The following SLC35F4 variants were observed in gnomAD, a reference collection of about 807,000 sequenced individuals.
SLC35F4 encodes the protein chromosome 14 open reading frame 36.
SLC35F4 carries 24 observed loss-of-function variants against 44.2 expected under a neutral mutation model. The observed-to-expected ratio is 0.54, with a 90% CI of 0.39 to 0.76. SLC35F4 has a LOEUF of 0.76. Ranked by LOEUF, SLC35F4 falls within the 30% of genes least tolerant of loss-of-function variation. The probability of loss-of-function intolerance (pLI) is 0.00; values close to 1 mark genes in which losing one functional copy is unlikely to be tolerated. For missense variants in SLC35F4, 562 were observed against 586.1 expected (o/e 0.96, Z 0.42); for synonymous variants, 238 against 223.6 (o/e 1.06, Z -0.57).
At chr14:57,868,854 A>T (rs1191619335), upstream of SLC35F4, among the ~76,000 whole-genome samples, 1 of 152,192 alleles carries the variant, frequency 6.6e-6, no homozygotes, top group Non-Finnish European at 1.5e-5. Flanking sequence ...ACAAACTATG[A>T]GTTGCAATGT....
chr14:57,784,587 G>C (rs1254300262), intron 1 of SLC35F4, among the ~76,000 whole-genome samples: 1 of 152,150 alleles, frequency 6.6e-6, no homozygotes, highest in African/African-American at 2.4e-5. Flanking sequence ...TGTGCTGGGA[G>C]AATCTCTTGC....
intron 1 of SLC35F4, among the ~76,000 whole-genome samples, chr14:57,944,695 AAAAGAAAG>A (rs141697627): frequency 0.09 from 10,404 of 115,830 alleles, 441 homozygotes; most frequent in African/African-American, 0.11. Flanking sequence ...AGAAAGAAAG[AAAAGAAAG>A]AAAGAAAGAA....
intron 1 of SLC35F4, among the ~76,000 whole-genome samples, chr14:57,951,778 G>T (rs538428289): frequency 2.0e-5 from 3 of 152,314 alleles, no homozygotes; most frequent in African/African-American, 7.2e-5. Context: ...AAAGGCAGCA[G>T]CCCCACTCAG....
intron 1 of SLC35F4, among the ~76,000 whole-genome samples, chr14:57,599,802 GAA>G (rs34667001): frequency 0.011 from 1,428 of 126,282 alleles, 22 homozygotes; most frequent in African/African-American, 0.039. Context: ...ACTCTGTCTT[GAA>G]AAAAAAAAAA....
chr14:57,609,359 A>T (rs562845233), intron 1 of SLC35F4, among the ~76,000 whole-genome samples: 16 of 152,330 alleles, frequency 1.1e-4, no homozygotes, highest in Admixed American at 9.8e-4. Context: ...GAGTTCAGGG[A>T]AACTGGTTTG....
chr14:57,802,718 A>G lies in SLC35F4; in HGVS notation c.103+63005T>C, dbSNP rs148043225. 4.2e-3 allele frequency among the ~76,000 whole-genome samples: 643 copies of G among 152,258 alleles called. 6 individuals carry two copies. Among genetic ancestry groups the G allele is most frequent in the African/African-American group, 0.014 (591 of 41,550 alleles). On this transcript the variant is annotated intron_variant, in intron 1 of 7. Coordinates refer to ENST00000556826, the MANE Select transcript of SLC35F4 (RefSeq NM_001306087.2). ...GCACATAAACTAGAAAATCCAAAAG[A>G]AATAGGTAAATTCCTGGACACAGAC...
intron 1 of SLC35F4, among the ~76,000 whole-genome samples, chr14:57,889,017 C>A (rs1888706916): frequency 6.6e-6 from 1 of 152,178 alleles, no homozygotes; most frequent in African/African-American, 2.4e-5. Flanking sequence ...ACAAGACAGA[C>A]AAGTTACCTG....
chr14:57,739,668 G>A (rs1013452882), intron 1 of SLC35F4, among the ~76,000 whole-genome samples: 1 of 152,180 alleles, frequency 6.6e-6, no homozygotes, highest in Non-Finnish European at 1.5e-5. Flanking sequence ...GATTTAGGAG[G>A]AGACAGTGTG....
chr14:57,846,582 C>G (rs191860397), intron 1 of SLC35F4, among the ~76,000 whole-genome samples: 9 of 152,256 alleles, frequency 5.9e-5, no homozygotes, highest in African/African-American at 2.2e-4. Context: ...GTGAATTTTT[C>G]CCTGAAATTC....
chr14:57,944,922 A>G (rs145018784), intron 1 of SLC35F4, among the ~76,000 whole-genome samples: 2 of 152,322 alleles, frequency 1.3e-5, no homozygotes, highest in East Asian at 3.9e-4. Context: ...AACCTTACAC[A>G]CACAAAAAAT....
chr14:57,834,289 C>T (rs1884681997), intron 1 of SLC35F4, among the ~76,000 whole-genome samples: 1 of 152,194 alleles, frequency 6.6e-6, no homozygotes, highest in African/African-American at 2.4e-5. Flanking sequence ...TTTTGCACTT[C>T]ACTGAATAAC....
chr14:57,587,770 A>G (rs1051151334), intron 3 of SLC35F4, among the ~76,000 whole-genome samples: 1 of 152,174 alleles, frequency 6.6e-6, no homozygotes, highest in East Asian at 1.9e-4. Context: ...TTAAAGTACA[A>G]TAAAAACAGA....
chr14:57,601,714 G>A (rs573420926), intron 1 of SLC35F4, among the ~76,000 whole-genome samples: 1 of 152,092 alleles, frequency 6.6e-6, no homozygotes, highest in South Asian at 2.1e-4. Context: ...TTCTCTACTT[G>A]TAATCAACTT....
chr14:57,843,999 G>A (rs554350735), intron 1 of SLC35F4, among the ~76,000 whole-genome samples: 7 of 152,126 alleles, frequency 4.6e-5, no homozygotes, highest in African/African-American at 1.7e-4. Context: ...TATCAGCCTC[G>A]TGACCAATCT....
At chr14:57,701,214 G>T (rs1040838008) in intron 1 of SLC35F4, among the ~76,000 whole-genome samples, 1 of 151,918 alleles carries the variant, frequency 6.6e-6, no homozygotes, top group Non-Finnish European at 1.5e-5. Context: ...ACCTACACAG[G>T]GTCAAAATCA....
intron 1 of SLC35F4, among the ~76,000 whole-genome samples, chr14:57,753,413 G>A (rs1281180532): frequency 6.6e-6 from 1 of 152,114 alleles, no homozygotes; most frequent in Non-Finnish European, 1.5e-5. Flanking sequence ...CCTTTACAGG[G>A]AGTAGTAGGG....
At chr14:57,969,265 C>CAGAT (rs1485048900) in intron 1 of SLC35F4, among the ~76,000 whole-genome samples, 1 of 152,170 alleles carries the variant, frequency 6.6e-6, no homozygotes, top group Non-Finnish European at 1.5e-5. Flanking sequence ...TCCTAACACA[C>CAGAT]AGATTATCCT....
At chr14:57,843,711 A>G (rs75835666) in intron 1 of SLC35F4, among the ~76,000 whole-genome samples, 2,926 of 152,284 alleles carry the variant, frequency 0.019, 99 homozygotes, top group African/African-American at 0.066. Flanking sequence ...CAGAACATTT[A>G]TCTTAATTTT....
At chr14:57,847,542 G>A (rs1398656326) in intron 1 of SLC35F4, among the ~76,000 whole-genome samples, 7 of 152,016 alleles carry the variant, frequency 4.6e-5, no homozygotes, top group Admixed American at 2.0e-4. Flanking sequence ...ATAAACAAAG[G>A]TAAAATGGGC....
Sources: gnomAD v4.1 joint callset for allele counts (sites outside exome capture counted in the v4.1 genomes callset) on GRCh38, gnomAD v4.1.1 for gene constraint, MANE v1.5 for transcripts, NCBI Gene and HGNC (gene_info 2026-07-23, HGNC 2026-07-21) for gene names.